Variants in RNF123 observed in about 807,000 individuals in gnomAD.
RNF123 encodes E3 ubiquitin-protein ligase RNF123.
Under a neutral mutation model 168.5 loss-of-function variants are expected in RNF123, and 86 were observed. The ratio of observed to expected loss-of-function variants is 0.51; its 90% CI spans 0.43 to 0.61. The LOEUF (loss-of-function observed/expected upper bound fraction) is 0.61, where lower values mean the gene tolerates loss of function less well. Ranked by LOEUF, RNF123 falls within the 20% of genes least tolerant of loss-of-function variation. The probability of loss-of-function intolerance (pLI) is 0.00; values close to 1 mark genes in which losing one functional copy is unlikely to be tolerated. For synonymous variants in RNF123, 666 were observed against 689.1 expected (o/e 0.97, Z 0.52); for missense variants, 1,419 against 1,729.7 (o/e 0.82, Z 3.19).
At chr3:49,695,784 G>A (rs1289168087) in intron 3 of RNF123, among the ~76,000 whole-genome samples, 1 of 152,164 alleles carries the variant, frequency 6.6e-6, no homozygotes, top group Non-Finnish European at 1.5e-5. Context: ...CCTCTGTTCT[G>A]CCTGAGTCCT....
Position 49,702,369 on chromosome 3 carries a change from T to G in RNF123, c.1593T>G (p.Phe531Leu). 6.2e-7 allele frequency: 1 copy of G among 1,614,170 alleles called. No homozygotes were observed. Among genetic ancestry groups the G allele is most frequent in the Non-Finnish European group, 8.5e-7 (1 of 1,180,018 alleles). ...CTAGGTATATCTTCCTGACCAAGTT[T>G]CGCAAGTTTCTGCAGGAGAACGCCA... ...EASRYIFLTK[F>L]RKFLQENASG... The change falls in exon 19 of 39, where the codon TTT becomes TTG. Residue 531 changes from phenylalanine (F) to leucine (L), a missense_variant. Transcript: ENST00000327697.
chr3:49,705,212 C>T, intron 23 of RNF123, 30 bp downstream of exon 23: 6 of 1,573,442 alleles, frequency 3.8e-6, no homozygotes, highest in Non-Finnish European at 5.2e-6. Context: ...AGGCAGGTCC[C>T]CGAAGGACCC....
chr3:49,701,741 GT>G, intron 16 of RNF123, 69 bp from the exon 17 acceptor site: 1 of 1,487,970 alleles, frequency 6.7e-7, no homozygotes, highest in African/African-American at 1.4e-5. Context: ...GAGTGTGGGT[GT>G]TCTGAGTGAA....
At chr3:49,712,215 C>CA (rs113391621) in intron 26 of RNF123, among the ~76,000 whole-genome samples, 42,714 of 142,448 alleles carry the variant, frequency 0.3, 6,270 homozygotes, top group Non-Finnish European at 0.34. Flanking sequence ...GACTCCATCT[C>CA]AAAAAAAAAA....
intron 15 of RNF123, 31 bp downstream of exon 15, chr3:49,700,740 A>C: frequency 6.2e-7 from 1 of 1,609,998 alleles, no homozygotes; most frequent in Non-Finnish European, 8.5e-7. Context: ...GGCAGGCCAG[A>C]CATGGGGTGC....
intron 35 of RNF123, chr3:49,719,407 G>C (rs532189291): frequency 6.2e-7 from 1 of 1,613,622 alleles, no homozygotes; most frequent in Non-Finnish European, 8.5e-7. Context: ...GGAGTCCGGG[G>C]TGCCTAACCC....
intron 35 of RNF123, chr3:49,717,811 T>G: frequency 1.6e-5 from 14 of 878,370 alleles, no homozygotes; most frequent in Non-Finnish European, 2.2e-5. Flanking sequence ...AGAAGGCCCA[T>G]TGTGTTTCGA....
At position 49,719,829 on chromosome 3, in the gene RNF123, C is replaced by T. The variant is rs575992531; in HGVS notation, c.3501-682C>T. On this transcript the variant is annotated intron_variant, in intron 35 of 38. Transcript: ENST00000327697. ...ACCGCCAGATGGGGAGCAAGGCCAA[C>T]CCCAAAGTCCCCGTCAGCCTTTGGC... 1.5e-4 allele frequency: 34 copies of T among 233,530 alleles called. No individual in the cohort carries two copies. In the South Asian group the frequency reaches 4.1e-3, roughly 28 times the overall value. The allele number at this position is 233,530 out of a possible 1,614,324, so 14.5% of individuals were successfully genotyped here. A position where few individuals can be genotyped will look rare whatever the true frequency, so the allele number is the denominator to read the frequency against.
At chr3:49,710,172 G>T (rs1419227072) in intron 26 of RNF123, among the ~76,000 whole-genome samples, 1 of 151,828 alleles carries the variant, frequency 6.6e-6, no homozygotes, top group Non-Finnish European at 1.5e-5. Flanking sequence ...TAATGGGTAG[G>T]ATATGGTACC....
chr3:49,696,349 CTTTT>C (rs751323081), intron 3 of RNF123, among the ~76,000 whole-genome samples: 2 of 138,050 alleles, frequency 1.4e-5, no homozygotes, highest in Admixed American at 7.5e-5. Flanking sequence ...GAGAGGGCTA[CTTTT>C]TTTTTTTTTT....
chr3:49,718,398 CCCAGTGG>C, intron 35 of RNF123: 1 of 1,613,170 alleles, frequency 6.2e-7, no homozygotes, highest in Non-Finnish European at 8.5e-7. Context: ...GCAGGCGGGG[CCCAGTGG>C]CCAGGCACAC....
At chr3:49,713,437 T>G in intron 27 of RNF123, 76 bp from the exon 28 acceptor site, 1 of 1,427,602 alleles carries the variant, frequency 7.0e-7, no homozygotes, top group Non-Finnish European at 9.7e-7. Flanking sequence ...GCTACCCAAG[T>G]CCACCCACCC....
chr3:49,700,702 A>G lies in RNF123; in HGVS notation c.1270A>G (p.Asn424Asp). 6.2e-7 allele frequency: 1 copy of G among 1,614,152 alleles called. No homozygotes were observed. The highest frequency in any genetic ancestry group is 8.5e-7 in the Non-Finnish European group (1 of 1,180,018). The change falls in exon 15 of 39, where the codon AAT becomes GAT. Residue 424 changes from asparagine to aspartate, a missense_variant. Asn to Asp is a conservative substitution (Grantham distance 23, BLOSUM62 1). Transcript: ENST00000327697. ...HEKSRKFLLS[N>D]VLFDVLRSVV... ...GAAGTCCCGCAAGTTTCTGCTTAGCAATGTCCTGTATCCTTTCCTTGCTGC... is the reference window on the plus strand; with the variant it reads ...GAAGTCCCGCAAGTTTCTGCTTAGCGATGTCCTGTATCCTTTCCTTGCTGC...
At position 49,697,164 on chromosome 3, in the gene RNF123, C is replaced by T; in HGVS notation, c.189C>T (p.Asn63=). 1.2e-6 allele frequency: 2 copies of T among 1,614,120 alleles called. No homozygotes were observed. Among genetic ancestry groups the T allele is most frequent in the South Asian group, 2.2e-5 (2 of 91,070 alleles). Residue 63 remains asparagine (N), a synonymous_variant, in exon 4 of 39, where the codon AAC becomes AAT. Transcript: ENST00000327697. ...ATSRKPLNFQ[N]LPEHLDQLLQ... The stretch of plus-strand genomic sequence containing the variant: ...CCAGGAAACCCCTGAACTTCCAGAA[C>T]CTGCCAGAACATTTGGACCAGTTGC...
chr3:49,713,002 C>G (rs191329875), intron 27 of RNF123: 1 of 691,634 alleles, frequency 1.4e-6, no homozygotes. Flanking sequence ...GGTCACAAAG[C>G]GTAGCAGTTG....
rs957996691 is a variant in RNF123, at chr3:49,698,878, C to T, written c.638+56C>T. The T allele has an allele frequency of 1.2e-5, 20 of 1,605,936 alleles. No homozygotes were observed. In the African/African-American group the frequency reaches 2.6e-4, roughly 21 times the overall value. ...GCCCCTGGGGCCTCCCCAGACTGCC[C>T]CCAGTTTCCTGGGCCCTGTAAGGGG... is the stretch of plus-strand genomic sequence containing the variant. On this transcript the variant is annotated intron_variant, in intron 9 of 38. Transcript: ENST00000327697.
intron 26 of RNF123, among the ~76,000 whole-genome samples, chr3:49,709,382 G>A (rs1378607936): frequency 6.7e-6 from 1 of 149,158 alleles, no homozygotes; most frequent in Non-Finnish European, 1.5e-5. Flanking sequence ...CTCACTGCAA[G>A]CTCCGCCTCC....
intron 12 of RNF123, 34 bp from the exon 13 acceptor site, chr3:49,700,193 G>A (rs532528642): frequency 1.2e-6 from 2 of 1,612,452 alleles, no homozygotes. Flanking sequence ...AGAGTGGAAG[G>A]CCACCACCTC....
At position 49,721,435 on chromosome 3, in the gene RNF123, A is replaced by G; in HGVS notation, c.*130A>G. The G allele has an allele frequency of 7.8e-7, 1 of 1,275,216 alleles. No homozygotes were observed. Among genetic ancestry groups the G allele is most frequent in the Non-Finnish European group, 1.1e-6 (1 of 873,894 alleles). The allele number at this position is 1,275,216 out of a possible 1,614,324, so 79.0% of individuals were successfully genotyped here. The stretch of plus-strand genomic sequence containing the variant: ...ACATCCAACCTCCTTGCCTGCCTGT[A>G]TCCTCATTGGTGGGAGCCCAGCCAT... On this transcript the variant is annotated 3_prime_UTR_variant, in exon 39 of 39. Coordinates refer to ENST00000327697, the MANE Select transcript of RNF123 (RefSeq NM_022064.5).
Sources: allele counts gnomAD v4.1 joint callset (sites outside exome capture counted in the v4.1 genomes callset), GRCh38; gene constraint gnomAD v4.1.1; transcripts MANE v1.5; gene names NCBI Gene and HGNC (gene_info 2026-07-23, HGNC 2026-07-21).